Variants in GATA4 observed in about 807,000 individuals in gnomAD.
GATA4 encodes transcription factor GATA-4.
Under a neutral mutation model 37.9 loss-of-function variants are expected in GATA4, and 7 were observed. That is an observed-to-expected ratio of 0.18 (90% CI 0.11 to 0.35). GATA4 has a LOEUF of 0.35. Among genes scored for constraint, GATA4 ranks in the 10% least tolerant of loss-of-function variants. The probability of loss-of-function intolerance (pLI) is 1.00; values close to 1 mark genes in which losing one functional copy is unlikely to be tolerated. For missense variants in GATA4, 647 were observed against 653.0 expected (o/e 0.99, Z 0.10); for synonymous variants, 372 against 292.6 (o/e 1.27, Z -2.77).
rs1185557981 is a variant in GATA4, at chr8:11,707,896, C to T, written c.-417C>T. Reference sequence around the variant, plus strand: ...GAGGAGGAAGGAGCCAGCCTAGCAGCTTCTGCGCCTGTGGCCGCGGGTGTC... The same window carrying T: ...GAGGAGGAAGGAGCCAGCCTAGCAGTTTCTGCGCCTGTGGCCGCGGGTGTC... On this transcript the variant is annotated 5_prime_UTR_variant, in exon 2 of 7. Transcript: ENST00000532059. The surrounding 1 kb of genome is among the most constrained non-coding windows in gnomAD (Gnocchi z 4.7). 2 of 297,110 alleles carry T rather than the reference C, an allele frequency of 6.7e-6. No individual in the cohort carries two copies. The highest frequency in any genetic ancestry group is 1.2e-4 in the East Asian group (1 of 8,612). The allele number at this position is 297,110 out of a possible 1,614,324, so 18.4% of individuals were successfully genotyped here.
At chr8:11,704,473 C>A (rs1195912382) in intron 1 of GATA4, among the ~76,000 whole-genome samples, 169 bp downstream of exon 1, 1 of 152,236 alleles carries the variant, frequency 6.6e-6, no homozygotes, top group Non-Finnish European at 1.5e-5. Context: ...TTGACTTTGC[C>A]TTAGCAACTT....
chr8:11,742,979 T>C (rs1350551870), intron 2 of GATA4, among the ~76,000 whole-genome samples: 2 of 152,160 alleles, frequency 1.3e-5, no homozygotes, highest in African/African-American at 2.4e-5. Context: ...TGGGCTGGGG[T>C]CTGGCCTTTT....
intron 1 of GATA4, among the ~76,000 whole-genome samples, chr8:11,681,669 C>A (rs1798978524): frequency 6.6e-6 from 1 of 152,088 alleles, no homozygotes; most frequent in Non-Finnish European, 1.5e-5. Flanking sequence ...TTTTCATCCC[C>A]TTTCTCTCTT....
At chr8:11,727,840 A>G (rs1801010577) in intron 2 of GATA4, among the ~76,000 whole-genome samples, 1 of 151,812 alleles carries the variant, frequency 6.6e-6, no homozygotes, top group Non-Finnish European at 1.5e-5. Context: ...AAAAAAAAGT[A>G]AAAAAAATCC....
At chr8:11,682,330 C>T (rs931153200) in intron 1 of GATA4, among the ~76,000 whole-genome samples, 2 of 152,202 alleles carry the variant, frequency 1.3e-5, no homozygotes, top group Admixed American at 6.5e-5. Context: ...TTGCCTTGTT[C>T]ACTAGCTAAG....
intron 2 of GATA4, among the ~76,000 whole-genome samples, chr8:11,745,785 A>G (rs1239606866): frequency 6.6e-6 from 1 of 152,202 alleles, no homozygotes; most frequent in Non-Finnish European, 1.5e-5. Flanking sequence ...GTGTGACTCT[A>G]TCTGTTAGAG....
chr8:11,710,780 A>G (rs1800145384), intron 2 of GATA4, among the ~76,000 whole-genome samples: 1 of 150,790 alleles, frequency 6.6e-6, no homozygotes, highest in Non-Finnish European at 1.5e-5. Context: ...GTGTTTGGTT[A>G]AGGAAAAGAG....
intron 2 of GATA4, among the ~76,000 whole-genome samples, chr8:11,718,930 C>T (rs563515773): frequency 1.3e-5 from 2 of 152,214 alleles, no homozygotes; most frequent in African/African-American, 2.4e-5. Context: ...TGACCCATTC[C>T]GAGCAGGTGT....
chr8:11,723,076 G>C (rs1333585194), intron 2 of GATA4, among the ~76,000 whole-genome samples: 1 of 152,172 alleles, frequency 6.6e-6, no homozygotes, highest in African/African-American at 2.4e-5. Flanking sequence ...GCTGAGTATA[G>C]AGGCTCATGC....
At chr8:11,693,830 G>T (rs572211738) in intron 1 of GATA4, among the ~76,000 whole-genome samples, 2 of 152,330 alleles carry the variant, frequency 1.3e-5, no homozygotes, top group Non-Finnish European at 2.9e-5. Context: ...CCAAGTCATA[G>T]GTTATGGGTG....
intron 2 of GATA4, among the ~76,000 whole-genome samples, chr8:11,713,068 T>C (rs569474474): frequency 8.1e-4 from 123 of 152,276 alleles, no homozygotes; most frequent in Admixed American, 2.0e-3. Flanking sequence ...TTTTTCTATG[T>C]AACTGCTGTA....
At chr8:11,731,190 G>A (rs995243194) in intron 2 of GATA4, among the ~76,000 whole-genome samples, 6 of 152,180 alleles carry the variant, frequency 3.9e-5, no homozygotes, top group Admixed American at 1.3e-4. Context: ...GAGTTTCCTG[G>A]CTGGATCAGC....
intron 2 of GATA4, among the ~76,000 whole-genome samples, chr8:11,711,622 T>G (rs1800186008): frequency 6.6e-6 from 1 of 151,796 alleles, no homozygotes; most frequent in Non-Finnish European, 1.5e-5. Context: ...TACAAATCAT[T>G]TTAAAAAATT....
chr8:11,708,035 C>A lies in GATA4; in HGVS notation c.-278C>A. The A allele has an allele frequency of 2.0e-6, 1 of 497,140 alleles. No homozygotes were observed. The highest frequency in any genetic ancestry group is 3.7e-6 in the Non-Finnish European group (1 of 268,516). 30.8% of individuals were successfully genotyped at this position (497,140 alleles called of 1,614,324 possible). A position where few individuals can be genotyped will look rare whatever the true frequency, so the allele number is the denominator to read the frequency against. On this transcript the variant is annotated 5_prime_UTR_variant, in exon 2 of 7. It adds an upstream start codon to the 5' untranslated region. Coordinates refer to ENST00000532059, the MANE Select transcript of GATA4 (RefSeq NM_001308093.3). This position sits in a 1 kb window ranked among gnomAD's most constrained non-coding sequence, Gnocchi z 6.7. ...AATAGGTGCGCCGGACCTTCAGGCC[C>A]TGGGGTGAATTCAGCTGCTCCTACA... is the stretch of plus-strand genomic sequence containing the variant.
At chr8:11,714,979 G>A (rs73203488) in intron 2 of GATA4, among the ~76,000 whole-genome samples, 8,171 of 152,060 alleles carry the variant, frequency 0.054, 296 homozygotes, top group South Asian at 0.12. Flanking sequence ...CAAGCACACC[G>A]GCACATATTA....
intron 2 of GATA4, among the ~76,000 whole-genome samples, chr8:11,714,775 T>G (rs11785555): frequency 0.055 from 8,309 of 152,230 alleles, 306 homozygotes; most frequent in South Asian, 0.12. Context: ...TCTGTATCCC[T>G]CCCCATTTCT....
Position 11,745,864 on chromosome 8 carries a change from G to A in GATA4, c.617-3052G>A, listed in dbSNP as rs146221909. On this transcript the variant is annotated intron_variant, in intron 2 of 6. Coordinates refer to ENST00000532059, the MANE Select transcript of GATA4 (RefSeq NM_001308093.3). Reference sequence around the variant, plus strand: ...ATTTTCTTCAGTAACACAATGTGGGGGAAAGTGAATGGAGGTACAGGTAAG... The same window carrying A: ...ATTTTCTTCAGTAACACAATGTGGGAGAAAGTGAATGGAGGTACAGGTAAG... Among the ~76,000 whole-genome samples, 320 of 152,302 alleles carry A rather than the reference G, an allele frequency of 2.1e-3. 1 individual carries two copies. The highest frequency in any genetic ancestry group is 0.01 in the Middle Eastern group (3 of 294).
chr8:11,720,386 C>T lies in GATA4; in HGVS notation c.616+11458C>T, dbSNP rs569172681. 5.3e-5 allele frequency among the ~76,000 whole-genome samples: 8 copies of T among 152,168 alleles called. No homozygotes were observed. The East Asian group carries it at 9.7e-4, about 18-fold the overall frequency. ...CTTGCCTGTGTCAGGTAGGTTTCCA[C>T]GGCTGCCTGCCTTGTTTTAAGCAAC... On this transcript the variant is annotated intron_variant, in intron 2 of 6. Transcript: ENST00000532059.
chr8:11,755,152 A>G lies in GATA4; in HGVS notation c.1000+19A>G, dbSNP rs2130338672. 6.3e-7 allele frequency: 1 copy of G among 1,591,844 alleles called. No individual in the cohort carries two copies. The highest frequency in any genetic ancestry group is 8.6e-7 in the Non-Finnish European group (1 of 1,160,296). On this transcript the variant is annotated intron_variant, in intron 5 of 6. Transcript: ENST00000532059. ...CCAGCAGGTGAGGAAAAGATCTGTG[A>G]GTGATTATATGAGTACATCAGGAGC...
Sources: allele counts gnomAD v4.1 joint callset (sites outside exome capture counted in the v4.1 genomes callset), GRCh38; gene constraint gnomAD v4.1.1; non-coding constraint Gnocchi (gnomAD v3.1); transcripts MANE v1.5; gene names NCBI Gene and HGNC (gene_info 2026-07-23, HGNC 2026-07-21).